The following FRAS1 variants were observed in gnomAD, a reference collection of about 807,000 sequenced individuals.
The protein encoded by FRAS1 is Fraser extracellular matrix complex subunit 1, also known as extracellular matrix organizing protein FRAS1.
A neutral mutation model predicts 435.2 loss-of-function variants in FRAS1; 290 were observed. That is an observed-to-expected ratio of 0.67 (90% CI 0.61 to 0.73). FRAS1 has a LOEUF of 0.73. Ranked by LOEUF, FRAS1 falls within the 30% of genes least tolerant of loss-of-function variation. The probability of loss-of-function intolerance (pLI) is 0.00; values close to 1 mark genes in which losing one functional copy is unlikely to be tolerated. For missense variants in FRAS1, 4,860 were observed against 5,001.5 expected, an observed-to-expected ratio of 0.97 and a Z score of 0.85; for synonymous variants, 1,800 against 1,851.0, an observed-to-expected ratio of 0.97 and a Z score of 0.71.
At chr4:78,263,460 A>C (rs2110150052) in intron 6 of FRAS1, among the ~76,000 whole-genome samples, 1 of 152,324 alleles carries the variant, frequency 6.6e-6, no homozygotes, top group Non-Finnish European at 1.5e-5. Context: ...ACTCTGCTAC[A>C]GTTCTTGAGT....
At position 78,472,270 on chromosome 4, in the gene FRAS1, A is replaced by G. The variant is rs1193967034; in HGVS notation, c.7462A>G (p.Lys2488Glu). The change falls in exon 52 of 74, where the codon AAG becomes GAG. Residue 2488 changes from lysine (K) to glutamate (E), a missense_variant. Transcript: ENST00000512123. ...TGTCTATGAGATAACGACGGGCCCT[A>G]AGCATGGCTTTGTGGAGAACAAGCT... ...QLVYEITTGPKHGFVENKLQP... is the reference protein window; with the variant it reads ...QLVYEITTGPEHGFVENKLQP... 1.2e-6 allele frequency: 2 copies of G among 1,613,452 alleles called. No homozygotes were observed. The highest frequency in any genetic ancestry group is 1.7e-5 in the Admixed American group (1 of 59,992).
At position 78,524,373 on chromosome 4, in the gene FRAS1, A is replaced by G. The variant is rs139987382; in HGVS notation, c.10808+1565A>G. 3.3e-5 allele frequency among the ~76,000 whole-genome samples: 5 copies of G among 152,364 alleles called. No homozygotes were observed. The East Asian group carries it at 5.8e-4, about 18-fold the overall frequency. On this transcript the variant is annotated intron_variant, in intron 69 of 73. Coordinates refer to ENST00000512123, the MANE Select transcript of FRAS1 (RefSeq NM_025074.7). The stretch of plus-strand genomic sequence containing the variant: ...CTAAACACACTGTGAGAGATACAGG[A>G]TAATATCAAGACCGTAGTTGTTCAG...
At chr4:78,337,974 G>A (rs1578260876) in intron 20 of FRAS1, 157 bp downstream of exon 20, 1 of 660,378 alleles carries the variant, frequency 1.5e-6, no homozygotes, top group Non-Finnish European at 2.6e-6. Flanking sequence ...TTCTCCTTGG[G>A]CATTTAGTAA....
intron 47 of FRAS1, among the ~76,000 whole-genome samples, chr4:78,463,104 T>C (rs1454186160): frequency 6.6e-6 from 1 of 152,160 alleles, no homozygotes; most frequent in Admixed American, 6.5e-5. Flanking sequence ...GCTGGAGGAT[T>C]AAAAGATGTC....
intron 15 of FRAS1, among the ~76,000 whole-genome samples, chr4:78,312,502 C>T (rs1297782254): frequency 1.3e-5 from 2 of 151,812 alleles, no homozygotes; most frequent in Non-Finnish European, 2.9e-5. Context: ...TATTCATAAG[C>T]TTTAGAGCAC....
intron 14 of FRAS1, among the ~76,000 whole-genome samples, chr4:78,286,777 T>C (rs1306182407): frequency 6.6e-6 from 1 of 152,232 alleles, no homozygotes; most frequent in Non-Finnish European, 1.5e-5. Context: ...TTAGTGGACT[T>C]ATATGCCTAC....
chr4:78,419,478 A>T (rs1733682223), intron 33 of FRAS1, among the ~76,000 whole-genome samples: 1 of 152,202 alleles, frequency 6.6e-6, no homozygotes, highest in African/African-American at 2.4e-5. Flanking sequence ...GGGAGCCCAA[A>T]GAGGGCTGAG....
chr4:78,201,548 T>C (rs1424519602), intron 2 of FRAS1, among the ~76,000 whole-genome samples: 1 of 152,196 alleles, frequency 6.6e-6, no homozygotes, highest in African/African-American at 2.4e-5. Flanking sequence ...TGTTGTCAAA[T>C]TAATTCTCAG....
chr4:78,509,475 C>CTTTTTTTTTTTTTTTTTTTTTT (rs1560418759), intron 63 of FRAS1, among the ~76,000 whole-genome samples: 6 of 152,302 alleles, frequency 3.9e-5, no homozygotes, highest in African/African-American at 1.4e-4. Flanking sequence ...TACCACATTT[C>CTTTTTTTTTTTTTTTTTTTTTT]TGTAATGCAG....
At chr4:78,154,477 A>G (rs1024729499) in intron 2 of FRAS1, among the ~76,000 whole-genome samples, 4 of 152,200 alleles carry the variant, frequency 2.6e-5, no homozygotes, top group Admixed American at 1.3e-4. Context: ...GAACTGTCAT[A>G]TACCCACCAC....
intron 19 of FRAS1, among the ~76,000 whole-genome samples, chr4:78,336,381 G>A (rs935260414): frequency 3.9e-5 from 6 of 152,128 alleles, no homozygotes; most frequent in African/African-American, 1.2e-4. Context: ...AATTGTTTAG[G>A]GGAGGAAAGT....
At chr4:78,067,672 T>TTTATTATTA (rs60743368) in intron 2 of FRAS1, among the ~76,000 whole-genome samples, 10,819 of 125,616 alleles carry the variant, frequency 0.086, 532 homozygotes, top group African/African-American at 0.13. Context: ...TTTTCTTTCT[T>TTTATTATTA]TTATTATTAT....
intron 30 of FRAS1, among the ~76,000 whole-genome samples, chr4:78,404,017 T>G (rs747102503): frequency 6.6e-6 from 1 of 152,154 alleles, no homozygotes; most frequent in Non-Finnish European, 1.5e-5. Flanking sequence ...CTGTATAAAT[T>G]TAGACAACTT....
chr4:78,506,995 A>G (rs1262600860), intron 61 of FRAS1, among the ~76,000 whole-genome samples: 1 of 152,114 alleles, frequency 6.6e-6, no homozygotes, highest in South Asian at 2.1e-4. Flanking sequence ...TTGAGCCACT[A>G]CTTCTCAGGA....
At chr4:78,242,595 C>T (rs1191266622) in intron 3 of FRAS1, among the ~76,000 whole-genome samples, 1 of 152,148 alleles carries the variant, frequency 6.6e-6, no homozygotes, top group Non-Finnish European at 1.5e-5. Flanking sequence ...GCCACCACAT[C>T]CAGCTAATTT....
At chr4:78,119,852 C>G (rs918068525) in intron 2 of FRAS1, among the ~76,000 whole-genome samples, 1 of 152,180 alleles carries the variant, frequency 6.6e-6, no homozygotes, top group Non-Finnish European at 1.5e-5. Flanking sequence ...GAGAACATTA[C>G]TAAACAAGCA....
chr4:78,379,470 A>G, intron 26 of FRAS1: 1 of 429,372 alleles, frequency 2.3e-6, no homozygotes. Flanking sequence ...ACTGGCAGGC[A>G]AAGAGACATC....
intron 16 of FRAS1, among the ~76,000 whole-genome samples, chr4:78,316,929 C>G (rs929192191): frequency 1.3e-5 from 2 of 152,124 alleles, no homozygotes; most frequent in Non-Finnish European, 2.9e-5. Context: ...CCTTTCCACT[C>G]TAATTCATTT....
At chr4:78,192,404 G>A (rs1001741321) in intron 2 of FRAS1, among the ~76,000 whole-genome samples, 1 of 151,298 alleles carries the variant, frequency 6.6e-6, no homozygotes, top group Non-Finnish European at 1.5e-5. Flanking sequence ...GTGAATCCTG[G>A]ACCTTTTTTG....
Sources: allele counts gnomAD v4.1 joint callset (sites outside exome capture counted in the v4.1 genomes callset), GRCh38; gene constraint gnomAD v4.1.1; transcripts MANE v1.5; gene names NCBI Gene and HGNC (gene_info 2026-07-23, HGNC 2026-07-21).